ECPAS: variants seen among roughly 807,000 people sequenced by gnomAD.
ECPAS encodes proteasome adapter and scaffold protein ECM29.
In ECPAS, 70 loss-of-function variants were observed where a neutral mutation model predicts 255.1. That is an observed-to-expected ratio of 0.27 (90% CI 0.23 to 0.33). The LOEUF (loss-of-function observed/expected upper bound fraction) is 0.33, where lower values mean the gene tolerates loss of function less well. ECPAS is among the 10% of genes least tolerant of loss of function. The pLI is 1.00. For synonymous variants in ECPAS, 784 were observed against 775.0 expected (o/e 1.01, Z -0.19); for missense variants, 1,817 against 2,206.4 (o/e 0.82, Z 3.54).
Position 111,425,097 on chromosome 9 carries a change from G to C in ECPAS, c.1215+321C>G, listed in dbSNP as rs559854213. Among the ~76,000 whole-genome samples the C allele has an allele frequency of 5.3e-5, 8 of 151,858 alleles. No individual in the cohort carries two copies. The South Asian group carries it at 1.7e-3, about 32-fold the overall frequency. On this transcript the variant is annotated intron_variant, in intron 12 of 49. Transcript: ENST00000684092. ...AGCTACTCGGGAGGCTGAGGCAAGA[G>C]AATCACTTGAACCAGGAGCCGGAGG...
At chr9:111,372,750 G>A (rs1010339784) in intron 41 of ECPAS, 130 bp from the exon 42 acceptor site, 17 of 787,024 alleles carry the variant, frequency 2.2e-5, no homozygotes, top group Non-Finnish European at 2.9e-5. Context: ...TTTCTAGCAG[G>A]CTGGGTTGTG....
At chr9:111,442,131 T>C (rs924657503) in intron 5 of ECPAS, among the ~76,000 whole-genome samples, 175 bp downstream of exon 5, 2 of 152,272 alleles carry the variant, frequency 1.3e-5, no homozygotes, top group African/African-American at 2.4e-5. Context: ...AGAAATTTTA[T>C]GATAGTATTA....
At chr9:111,405,141 T>C (rs915562330) in intron 24 of ECPAS, among the ~76,000 whole-genome samples, 3 of 149,636 alleles carry the variant, frequency 2.0e-5, no homozygotes, top group African/African-American at 5.1e-5. Context: ...GCCAGAGGCA[T>C]TGCATTACCT....
intron 43 of ECPAS, 101 bp from the exon 44 acceptor site, chr9:111,370,866 GACA>G (rs2098126512): frequency 1.8e-6 from 2 of 1,128,370 alleles, no homozygotes; most frequent in Admixed American, 2.1e-5. Flanking sequence ...TGATAACTAT[GACA>G]ACAAAAATTA....
chr9:111,437,532 C>T (rs991950683), intron 6 of ECPAS, among the ~76,000 whole-genome samples: 5 of 152,148 alleles, frequency 3.3e-5, no homozygotes, highest in South Asian at 2.1e-4. Context: ...CTCATTTCTA[C>T]GAAGTTGTAA....
At chr9:111,462,616 A>G (rs2098274451) in intron 2 of ECPAS, among the ~76,000 whole-genome samples, 1 of 152,206 alleles carries the variant, frequency 6.6e-6, no homozygotes, top group South Asian at 2.1e-4. Flanking sequence ...CAATGGCAAT[A>G]AAACTACAAG....
At chr9:111,412,577 T>A (rs1171923267) in intron 20 of ECPAS, among the ~76,000 whole-genome samples, 1 of 152,146 alleles carries the variant, frequency 6.6e-6, no homozygotes, top group African/African-American at 2.4e-5. Flanking sequence ...GTTTCTTGAT[T>A]TTTTTTTCCA....
In ECPAS at chr9:111,368,688, G is replaced by A. The variant is rs181845771; in HGVS notation, c.5113+347C>T. Among the ~76,000 whole-genome samples, 277 of 152,308 alleles carry A rather than the reference G, an allele frequency of 1.8e-3. 1 individual carries two copies. Among genetic ancestry groups the A allele is most frequent in the Non-Finnish European group, 3.2e-3 (221 of 68,028 alleles). On this transcript the variant is annotated intron_variant, in intron 46 of 49. Transcript: ENST00000684092. The stretch of plus-strand genomic sequence containing the variant: ...CAAAGACCACGTGAAGACACAGGGA[G>A]AAGACAGCCATTCCCAAGCCAAGGA...
Position 111,472,977 on chromosome 9 carries a change from T to C in ECPAS, c.-59A>G, listed in dbSNP as rs1458709507. 8.5e-7 allele frequency: 1 copy of C among 1,180,790 alleles called. No homozygotes were observed. The highest frequency in any genetic ancestry group is 7.1e-5 in the East Asian group (1 of 13,990). 73.1% of individuals were successfully genotyped at this position (1,180,790 alleles called of 1,614,324 possible). On this transcript the variant is annotated 5_prime_UTR_variant, in exon 2 of 50. Transcript: ENST00000684092. ...CACCAATGGTACGTTCATCCACTCGTACATATGCAATTGTATAAAGAATCT... is the reference window on the plus strand; with the variant it reads ...CACCAATGGTACGTTCATCCACTCGCACATATGCAATTGTATAAAGAATCT...
chr9:111,478,015 C>G (rs2098298627), intron 1 of ECPAS, among the ~76,000 whole-genome samples: 1 of 151,804 alleles, frequency 6.6e-6, no homozygotes, highest in Non-Finnish European at 1.5e-5. Flanking sequence ...ATCCTCCCCA[C>G]TCAGCCTCCC....
Position 111,383,257 on chromosome 9 carries a change from G to C in ECPAS, c.3757C>G (p.Leu1253Val). The change falls in exon 35 of 50, where the codon CTG becomes GTG. Residue 1253 changes from leucine to valine, a missense_variant. Leu to Val is a conservative substitution (Grantham distance 32). Coordinates refer to ENST00000684092, the MANE Select transcript of ECPAS (RefSeq NM_001364929.1). ...RTIAALLPCL[L>V]DKGMMSTVTE... The stretch of plus-strand genomic sequence containing the variant: ...ACGGTGCTCATCATTCCTTTGTCCA[G>C]AAGGCAAGGCAGAAGGGCAGCGATG... 1.2e-6 allele frequency: 2 copies of C among 1,613,774 alleles called. No individual in the cohort carries two copies. The highest frequency in any genetic ancestry group is 1.7e-6 in the Non-Finnish European group (2 of 1,179,828).
intron 7 of ECPAS, among the ~76,000 whole-genome samples, chr9:111,436,663 CAA>C (rs1440117593): frequency 6.6e-6 from 1 of 151,844 alleles, no homozygotes; most frequent in East Asian, 1.9e-4. Context: ...AATAAAATGA[CAA>C]AAGTTAAACA....
At chr9:111,403,189 C>A (rs1437025367) in intron 24 of ECPAS, among the ~76,000 whole-genome samples, 68 of 117,062 alleles carry the variant, frequency 5.8e-4, no homozygotes, top group Non-Finnish European at 1.1e-3. Flanking sequence ...CCCATCTCTA[C>A]TGAAAAAAAA....
chr9:111,362,232 C>A, intron 49 of ECPAS, 63 bp from the exon 50 acceptor site: 2 of 1,380,758 alleles, frequency 1.4e-6, no homozygotes, highest in Non-Finnish European at 1.9e-6. Flanking sequence ...GAAAAAACCC[C>A]AAAGAATCCT....
rs200061529 is a variant in ECPAS, at chr9:111,413,957, C to T, written c.2017G>A (p.Ala673Thr). Reference sequence around the variant, plus strand: ...AGCTTTTCTGGATACACTGACACAGCTTCCAATAGACAGTACATAACCGGC... The same window carrying T: ...AGCTTTTCTGGATACACTGACACAGTTTCCAATAGACAGTACATAACCGGC... The part of the protein sequence containing the change: ...GLPVMYCLLE[A>T]VSVYPEKLAT... The change falls in exon 20 of 50, where the codon GCT becomes ACT. Residue 673 changes from alanine (A) to threonine (T), a missense_variant. By Grantham distance (58) the Ala-to-Thr change is moderately conservative. Coordinates refer to ENST00000684092, the MANE Select transcript of ECPAS (RefSeq NM_001364929.1). 1,932 of 1,587,906 alleles carry T rather than the reference C, an allele frequency of 1.2e-3. 2 individuals are homozygous for T. The highest frequency in any genetic ancestry group is 1.5e-3 in the Non-Finnish European group (1,754 of 1,165,718).
intron 24 of ECPAS, among the ~76,000 whole-genome samples, chr9:111,400,058 C>T (rs1364660420): frequency 6.6e-6 from 1 of 152,244 alleles, no homozygotes; most frequent in East Asian, 1.9e-4. Context: ...TGTGGAGAGA[C>T]ACTCCCTCTA....
intron 45 of ECPAS, among the ~76,000 whole-genome samples, chr9:111,369,744 G>T (rs7862307): frequency 0.14 from 21,289 of 150,734 alleles, 1,934 homozygotes; most frequent in East Asian, 0.33. Context: ...CTTTTTTTTG[G>T]GGGGGGGACC....
At chr9:111,437,216 G>A in intron 6 of ECPAS, 108 bp from the exon 7 acceptor site, 1 of 894,088 alleles carries the variant, frequency 1.1e-6, no homozygotes, top group South Asian at 4.3e-5. Flanking sequence ...TATTTTACTA[G>A]AAGAATGAAC....
At chr9:111,426,546 A>G (rs1157128377) in intron 10 of ECPAS, among the ~76,000 whole-genome samples, 1 of 152,088 alleles carries the variant, frequency 6.6e-6, no homozygotes, top group African/African-American at 2.4e-5. Context: ...TTGAAGAGTT[A>G]AGAGATACAC....
Sources: allele counts gnomAD v4.1 joint callset (sites outside exome capture counted in the v4.1 genomes callset), GRCh38; gene constraint gnomAD v4.1.1; transcripts MANE v1.5; gene names NCBI Gene and HGNC (gene_info 2026-07-23, HGNC 2026-07-21).